The following VOPP1 variants were observed in gnomAD, a reference collection of about 807,000 sequenced individuals.
The protein encoded by VOPP1 is VOPP1 WW domain binding protein.
Under a neutral mutation model 23.5 loss-of-function variants are expected in VOPP1, and 8 were observed. The ratio of observed to expected loss-of-function variants is 0.34; its 90% CI spans 0.20 to 0.61. VOPP1 has a LOEUF of 0.61. VOPP1 is among the 20% of genes least tolerant of loss of function. The pLI, the probability that VOPP1 is intolerant of heterozygous loss-of-function variation, is 0.78. For missense variants in VOPP1, 174 were observed against 238.1 expected (o/e 0.73, Z 1.77); for synonymous variants, 83 against 97.3 (o/e 0.85, Z 0.86).
chr7:55,548,146 C>T (rs1395227352), intron 1 of VOPP1, among the ~76,000 whole-genome samples: 1 of 152,248 alleles, frequency 6.6e-6, no homozygotes, highest in Non-Finnish European at 1.5e-5. Flanking sequence ...TAGAAGTTCA[C>T]GCCCTTGCAT....
intron 4 of VOPP1, among the ~76,000 whole-genome samples, chr7:55,442,292 A>T (rs896665544): frequency 4.6e-5 from 7 of 152,298 alleles, no homozygotes; most frequent in African/African-American, 1.7e-4. Flanking sequence ...AGGATAAAAA[A>T]TGGAACTAAT....
At chr7:55,497,765 G>T in intron 2 of VOPP1, 75 bp from the exon 3 acceptor site, 1 of 1,297,322 alleles carries the variant, frequency 7.7e-7, no homozygotes, top group Non-Finnish European at 1.1e-6. Context: ...CCCAGGCTGG[G>T]CTTCAATGTA....
At chr7:55,444,388 ATGTGTGCC>A (rs1791044583) in intron 4 of VOPP1, among the ~76,000 whole-genome samples, 1 of 152,224 alleles carries the variant, frequency 6.6e-6, no homozygotes, top group Non-Finnish European at 1.5e-5. Flanking sequence ...TACATTCTTC[ATGTGTGCC>A]TGTTCACATG....
At chr7:55,493,831 G>T (rs1793755038) in intron 3 of VOPP1, among the ~76,000 whole-genome samples, 1 of 152,150 alleles carries the variant, frequency 6.6e-6, no homozygotes, top group Admixed American at 6.5e-5. Context: ...GTGTGATTGG[G>T]TAAAATATAC....
intron 2 of VOPP1, among the ~76,000 whole-genome samples, chr7:55,500,667 T>C (rs1281040203): frequency 6.6e-6 from 1 of 152,228 alleles, no homozygotes; most frequent in African/African-American, 2.4e-5. Flanking sequence ...AGCTTACAGG[T>C]TATGAGCACT....
At chr7:55,546,148 G>T (rs1445272214) in intron 1 of VOPP1, among the ~76,000 whole-genome samples, 1 of 152,228 alleles carries the variant, frequency 6.6e-6, no homozygotes, top group Non-Finnish European at 1.5e-5. Context: ...TCAGCTCACA[G>T]ATACTCACTA....
At chr7:55,557,031 A>G (rs1161696155) in intron 1 of VOPP1, among the ~76,000 whole-genome samples, 1 of 152,200 alleles carries the variant, frequency 6.6e-6, no homozygotes, top group Non-Finnish European at 1.5e-5. Context: ...CTCAGCCCAC[A>G]TAAATGAAGC....
chr7:55,507,253 T>C (rs1302735657), intron 2 of VOPP1, among the ~76,000 whole-genome samples: 2 of 152,178 alleles, frequency 1.3e-5, no homozygotes, highest in African/African-American at 4.8e-5. Flanking sequence ...GCCTGCTGGC[T>C]GGGACACACT....
chr7:55,494,532 T>C (rs1244590222), intron 3 of VOPP1, among the ~76,000 whole-genome samples: 2 of 152,128 alleles, frequency 1.3e-5, no homozygotes, highest in Admixed American at 6.6e-5. Flanking sequence ...AGACTAATGG[T>C]GAGCAAGCAT....
At chr7:55,491,221 T>C (rs1793543312) in intron 4 of VOPP1, among the ~76,000 whole-genome samples, 1 of 152,246 alleles carries the variant, frequency 6.6e-6, no homozygotes, top group Non-Finnish European at 1.5e-5. Context: ...TTTTGTGTGA[T>C]AAGAACATAT....
At chr7:55,542,366 T>C (rs1166560120) in intron 1 of VOPP1, among the ~76,000 whole-genome samples, 2 of 152,214 alleles carry the variant, frequency 1.3e-5, no homozygotes, top group Non-Finnish European at 2.9e-5. Context: ...TTATTCCTTC[T>C]AACTGTATTT....
At chr7:55,495,312 G>C (rs1377599498) in intron 3 of VOPP1, among the ~76,000 whole-genome samples, 1 of 152,166 alleles carries the variant, frequency 6.6e-6, no homozygotes, top group Non-Finnish European at 1.5e-5. Context: ...CTTGGAGTTG[G>C]CAGGAACTCT....
At chr7:55,480,372 T>C (rs751483497) in intron 4 of VOPP1, among the ~76,000 whole-genome samples, 38 of 152,240 alleles carry the variant, frequency 2.5e-4, no homozygotes, top group Non-Finnish European at 1.3e-4. Context: ...AATTCATGAA[T>C]ACTTCCTTGT....
chr7:55,509,025 A>G (rs1794907640), intron 2 of VOPP1, among the ~76,000 whole-genome samples: 1 of 152,230 alleles, frequency 6.6e-6, no homozygotes, highest in African/African-American at 2.4e-5. Flanking sequence ...CCTAGGTGAC[A>G]GAGCAAGACC....
At chr7:55,563,744 C>T (rs931094631) in intron 1 of VOPP1, among the ~76,000 whole-genome samples, 1 of 152,160 alleles carries the variant, frequency 6.6e-6, no homozygotes, top group African/African-American at 2.4e-5. Context: ...TGAAATTTTC[C>T]ACCTGTAACA....
intron 4 of VOPP1, among the ~76,000 whole-genome samples, chr7:55,439,072 G>A (rs920904475): frequency 3.9e-5 from 6 of 152,304 alleles, no homozygotes; most frequent in African/African-American, 9.6e-5. Context: ...TTTATTAGAG[G>A]CGGGCGAGTC....
At chr7:55,512,326 T>C (rs1263490750) in intron 2 of VOPP1, among the ~76,000 whole-genome samples, 1 of 151,834 alleles carries the variant, frequency 6.6e-6, no homozygotes, top group African/African-American at 2.4e-5. Context: ...CCCAGGAGGC[T>C]GAGACAGGAG....
chr7:55,491,200 C>T (rs1793542383), intron 4 of VOPP1, among the ~76,000 whole-genome samples: 1 of 152,180 alleles, frequency 6.6e-6, no homozygotes, highest in Non-Finnish European at 1.5e-5. Context: ...TTTCTCTGCT[C>T]TTCTTGTTAT....
intron 4 of VOPP1, among the ~76,000 whole-genome samples, chr7:55,464,180 G>A (rs991121183): frequency 6.6e-6 from 1 of 152,206 alleles, no homozygotes; most frequent in African/African-American, 2.4e-5. Context: ...ACCCACGATG[G>A]TGTGTGCAGG....
Sources: gnomAD v4.1 joint callset for allele counts (sites outside exome capture counted in the v4.1 genomes callset) on GRCh38, gnomAD v4.1.1 for gene constraint, MANE v1.5 for transcripts, NCBI Gene and HGNC (gene_info 2026-07-23, HGNC 2026-07-21) for gene names.